The following MORN4 variants were observed in gnomAD, a reference collection of about 807,000 sequenced individuals.
MORN4 encodes MORN repeat-containing protein 4.
MORN4 carries 8 observed loss-of-function variants against 16.4 expected under a neutral mutation model. That is an observed-to-expected ratio of 0.49 (90% CI 0.29 to 0.88). The LOEUF is 0.88. MORN4 is among the 40% of genes least tolerant of loss of function. The pLI is 0.09. For synonymous variants in MORN4, 53 were observed against 68.9 expected, an observed-to-expected ratio of 0.77 and a Z score of 1.14; for missense variants, 159 against 182.9, an observed-to-expected ratio of 0.87 and a Z score of 0.75.
At chr10:97,630,544 C>T (rs549948439) in intron 1 of MORN4, among the ~76,000 whole-genome samples, 1 of 152,320 alleles carries the variant, frequency 6.6e-6, no homozygotes, top group South Asian at 2.1e-4. Context: ...TTCCCTTCAG[C>T]AAATGCTTGC....
chr10:97,619,544 A>C, intron 2 of MORN4, 43 bp downstream of exon 2: 1 of 1,413,438 alleles, frequency 7.1e-7, no homozygotes, highest in South Asian at 1.1e-5. Flanking sequence ...TCCTCCAGCA[A>C]ATGAAGTGTT....
intron 2 of MORN4, 67 bp from the exon 3 acceptor site, chr10:97,617,389 T>C: frequency 8.6e-7 from 1 of 1,165,640 alleles, no homozygotes. Context: ...CTTACTCTTG[T>C]AGCATCCCTT....
At chr10:97,633,819 C>T (rs2041419039), upstream of MORN4, among the ~76,000 whole-genome samples, 1 of 152,228 alleles carries the variant, frequency 6.6e-6, no homozygotes, top group South Asian at 2.1e-4. This position sits in a 1 kb window ranked among gnomAD's most constrained non-coding sequence, Gnocchi z 4.5. Flanking sequence ...GGCCCCGCCG[C>T]GGAGTTTAAG....
At chr10:97,628,609 C>T (rs2041369438) in intron 1 of MORN4, among the ~76,000 whole-genome samples, 1 of 151,912 alleles carries the variant, frequency 6.6e-6, no homozygotes, top group Non-Finnish European at 1.5e-5. Flanking sequence ...TCTTGGCTCA[C>T]TGCAACCTCC....
At chr10:97,622,898 T>TA (rs2041315772) in intron 1 of MORN4, among the ~76,000 whole-genome samples, 1 of 148,990 alleles carries the variant, frequency 6.7e-6, no homozygotes, top group African/African-American at 2.5e-5. Context: ...TTTATTTATT[T>TA]TTTAGAGACA....
chr10:97,622,693 C>CAAAAAAAAAAAAAAA (rs1322656539), intron 1 of MORN4, among the ~76,000 whole-genome samples: 1 of 55,882 alleles, frequency 1.8e-5, no homozygotes, highest in African/African-American at 6.0e-5. Flanking sequence ...GACCCTGTCT[C>CAAAAAAAAAAAAAAA]AAAAAAAAAA....
intron 3 of MORN4, 144 bp from the exon 4 acceptor site, chr10:97,616,931 A>G: frequency 1.5e-6 from 1 of 663,044 alleles, no homozygotes; most frequent in Non-Finnish European, 2.7e-6. Context: ...TACCCCACCT[A>G]TTCCCAAGGA....
chr10:97,623,903 C>T (rs1041693668), intron 1 of MORN4, among the ~76,000 whole-genome samples: 1 of 151,846 alleles, frequency 6.6e-6, no homozygotes, highest in Non-Finnish European at 1.5e-5. Context: ...GCCCCACTAA[C>T]TTTTTGTATT....
At chr10:97,622,246 C>T (rs1366580520) in intron 1 of MORN4, among the ~76,000 whole-genome samples, 2 of 152,138 alleles carry the variant, frequency 1.3e-5, no homozygotes, top group Non-Finnish European at 2.9e-5. Flanking sequence ...CTAACTGATA[C>T]GTTCAGGCAT....
At chr10:97,629,608 G>T (rs187412946) in intron 1 of MORN4, among the ~76,000 whole-genome samples, 18 of 152,272 alleles carry the variant, frequency 1.2e-4, no homozygotes, top group Admixed American at 1.2e-3. Flanking sequence ...CCAGGCATCA[G>T]TGAAGGAGCC....
intron 1 of MORN4, among the ~76,000 whole-genome samples, chr10:97,623,465 T>G (rs1271035306): frequency 6.6e-6 from 1 of 152,074 alleles, no homozygotes; most frequent in African/African-American, 2.4e-5. Flanking sequence ...TCCCCTCTGA[T>G]TAATAAGTAA....
At position 97,629,990 on chromosome 10, in the gene MORN4, T is replaced by G. The variant is rs531642228; in HGVS notation, c.-31+3357A>C. Among the ~76,000 whole-genome samples, 397 of 150,650 alleles carry G rather than the reference T, an allele frequency of 2.6e-3. 3 individuals are homozygous for G. Among genetic ancestry groups the G allele is most frequent in the African/African-American group, 9.4e-3 (383 of 40,830 alleles). On this transcript the variant is annotated intron_variant, in intron 1 of 4. Transcript: ENST00000307450. ...CCCAGGCTGGAGTTCAGTGGCACGATCTCAGCTTACTGCAAGCTCTGCCTC... is the reference window on the plus strand; with the variant it reads ...CCCAGGCTGGAGTTCAGTGGCACGAGCTCAGCTTACTGCAAGCTCTGCCTC...
At chr10:97,622,867 A>G (rs2041315132) in intron 1 of MORN4, among the ~76,000 whole-genome samples, 1 of 145,046 alleles carries the variant, frequency 6.9e-6, no homozygotes, top group African/African-American at 2.7e-5. Flanking sequence ...TCATTTATTT[A>G]TTTATTTATT....
At chr10:97,626,857 A>C (rs2041352795) in intron 1 of MORN4, among the ~76,000 whole-genome samples, 1 of 150,912 alleles carries the variant, frequency 6.6e-6, no homozygotes, top group Admixed American at 6.7e-5. Flanking sequence ...TCCCAGGTTC[A>C]AGCGATTCTC....
At chr10:97,631,658 G>C (rs2041396577) in intron 1 of MORN4, among the ~76,000 whole-genome samples, 1 of 151,892 alleles carries the variant, frequency 6.6e-6, no homozygotes, top group Non-Finnish European at 1.5e-5. Context: ...AAAGGGCCAG[G>C]CATGATGGCT....
chr10:97,619,624 G>A lies in MORN4; in HGVS notation c.30C>T (p.Tyr10=), dbSNP rs192311327. Residue 10 remains tyrosine, a synonymous_variant, in exon 2 of 5, where the codon TAC becomes TAT. Transcript: ENST00000307450. ...CGCCACGATATTCCTCCCCACTGGA[G>A]TAGGTGAAGGAACCTTTTGTCAGGG... MTLTKGSFT[Y]SSGEEYRGEW... The A allele has an allele frequency of 6.8e-5, 110 of 1,614,114 alleles. No homozygotes were observed. The Admixed American group carries it at 1.6e-3, about 24-fold the overall frequency.
At chr10:97,625,966 G>C (rs1205936412) in intron 1 of MORN4, among the ~76,000 whole-genome samples, 1 of 151,892 alleles carries the variant, frequency 6.6e-6, no homozygotes, top group African/African-American at 2.4e-5. Context: ...CCACTATGTT[G>C]CCCAGGCTAA....
chr10:97,615,424 A>G lies in MORN4; in HGVS notation c.*839T>C, dbSNP rs1387236840. On this transcript the variant is annotated 3_prime_UTR_variant, in exon 5 of 5. Transcript: ENST00000307450. ...TAGCAAGACCCTGGCTCAATTTTTT[A>G]TAATAATAAAATTAAAGGCTGAGCG... The G allele has an allele frequency of 6.6e-6, 1 of 152,152 alleles. No individual in the cohort carries two copies. Among genetic ancestry groups the G allele is most frequent in the Non-Finnish European group, 1.5e-5 (1 of 68,046 alleles). The allele number at this position is 152,152 out of a possible 1,614,324, so 9.4% of individuals were successfully genotyped here.
rs915709018 is a variant in MORN4, at chr10:97,618,385, C to G, written c.68-1063G>C. On this transcript the variant is annotated intron_variant, in intron 2 of 4. Transcript: ENST00000307450. The stretch of plus-strand genomic sequence containing the variant: ...TTTTAAATGATTCTCCTCCCTCAGC[C>G]TCCCCAGTAGCTGGGATTACAAAGT... 3.3e-5 allele frequency among the ~76,000 whole-genome samples: 5 copies of G among 151,188 alleles called. 1 individual carries two copies. The Admixed American group carries it at 3.3e-4, about 10-fold the overall frequency.
Sources: gnomAD v4.1 joint callset for allele counts (sites outside exome capture counted in the v4.1 genomes callset) on GRCh38, gnomAD v4.1.1 for gene constraint, Gnocchi (gnomAD v3.1) non-coding constraint, MANE v1.5 for transcripts, NCBI Gene and HGNC (gene_info 2026-07-23, HGNC 2026-07-21) for gene names.